The following LHCGR variants were observed in gnomAD, a reference collection of about 807,000 sequenced individuals.
LHCGR encodes luteinizing hormone/choriogonadotropin receptor, also known as lutropin-choriogonadotropic hormone receptor.
LHCGR carries 55 observed loss-of-function variants against 60.7 expected under a neutral mutation model. That is an observed-to-expected ratio of 0.91 (90% CI 0.73 to 1.13). The LOEUF (loss-of-function observed/expected upper bound fraction) is 1.13, where lower values mean the gene tolerates loss of function less well. LHCGR is among the 50% of genes most tolerant of loss of function. LHCGR has a pLI of 0.00. For synonymous variants in LHCGR, 337 were observed against 316.5 expected (o/e 1.06, Z -0.69); for missense variants, 862 against 836.0 (o/e 1.03, Z -0.38).
Position 48,687,617 on chromosome 2 carries a change from T to G in LHCGR, c.*80A>C. ...TAAATAATTTCCTAAATCCAACCCT[T>G]TATGTTAAAATTACTGGTACAGGTA... On this transcript the variant is annotated 3_prime_UTR_variant, in exon 11 of 11. Coordinates refer to ENST00000294954, the MANE Select transcript of LHCGR (RefSeq NM_000233.4). 8.5e-7 allele frequency: 1 copy of G among 1,181,060 alleles called. No homozygotes were observed. 73.2% of individuals were successfully genotyped at this position (1,181,060 alleles called of 1,614,324 possible). A position where few individuals can be genotyped will look rare whatever the true frequency, so the allele number is the denominator to read the frequency against.
At chr2:48,729,326 AC>A (rs2103622054) in intron 2 of LHCGR, 99 bp from the exon 3 acceptor site, 16 of 889,182 alleles carry the variant, frequency 1.8e-5, no homozygotes, top group Non-Finnish European at 2.8e-5. Flanking sequence ...AACTGGGGAC[AC>A]CACTGTGTCC....
chr2:48,746,822 A>C (rs1379002350), intron 1 of LHCGR, among the ~76,000 whole-genome samples: 5 of 152,194 alleles, frequency 3.3e-5, no homozygotes, highest in African/African-American at 4.8e-5. Context: ...ATAATATAAC[A>C]TGACAAGAAT....
intron 8 of LHCGR, among the ~76,000 whole-genome samples, chr2:48,705,139 C>T (rs901878882): frequency 3.3e-5 from 5 of 152,078 alleles, no homozygotes; most frequent in Middle Eastern, 3.2e-3. Context: ...GCCTTCATTT[C>T]GTTATGTACC....
chr2:48,730,059 T>A (rs1317371110), intron 2 of LHCGR, among the ~76,000 whole-genome samples: 1 of 152,182 alleles, frequency 6.6e-6, no homozygotes, highest in Non-Finnish European at 1.5e-5. Context: ...TTCCTGCCAG[T>A]TGAAAAAAAA....
At chr2:48,740,001 A>T (rs986460015) in intron 1 of LHCGR, among the ~76,000 whole-genome samples, 1 of 152,166 alleles carries the variant, frequency 6.6e-6, no homozygotes, top group African/African-American at 2.4e-5. Flanking sequence ...GCGCGAGCTG[A>T]AGCAGGGCGA....
At chr2:48,717,149 G>A (rs1385457672) in intron 6 of LHCGR, among the ~76,000 whole-genome samples, 1 of 152,208 alleles carries the variant, frequency 6.6e-6, no homozygotes, top group African/African-American at 2.4e-5. Context: ...TACACATGGA[G>A]TAGATGAAGA....
chr2:48,726,231 A>G (rs868495779), intron 3 of LHCGR, among the ~76,000 whole-genome samples: 7 of 152,356 alleles, frequency 4.6e-5, no homozygotes, highest in Middle Eastern at 6.8e-3. Context: ...AGTCTGTGGA[A>G]TGGCACAGGG....
At chr2:48,745,732 A>T (rs1362947854) in intron 1 of LHCGR, among the ~76,000 whole-genome samples, 2 of 150,604 alleles carry the variant, frequency 1.3e-5, no homozygotes, top group Admixed American at 1.3e-4. Flanking sequence ...GCGTTGGGAG[A>T]TATACCTAAT....
chr2:48,733,910 T>C (rs936065438), intron 1 of LHCGR, among the ~76,000 whole-genome samples: 23 of 152,210 alleles, frequency 1.5e-4, no homozygotes, highest in African/African-American at 5.3e-4. Flanking sequence ...CCTTTGAAGG[T>C]GTCCCACTCT....
At chr2:48,694,191 G>A (rs1667004873) in intron 10 of LHCGR, 33 bp downstream of exon 10, 6 of 1,220,766 alleles carry the variant, frequency 4.9e-6, no homozygotes, top group Admixed American at 1.8e-5. Flanking sequence ...AACAAGATAC[G>A]ACTTCTGAGT....
chr2:48,729,273 A>G (rs1365942946), intron 2 of LHCGR, 46 bp from the exon 3 acceptor site: 1 of 1,415,282 alleles, frequency 7.1e-7, no homozygotes. Flanking sequence ...CATGAAAGAA[A>G]TGACCGTGTC....
chr2:48,719,926 C>T (rs904334782), intron 6 of LHCGR: 9 of 152,156 alleles, frequency 5.9e-5, no homozygotes, highest in Admixed American at 5.2e-4. Context: ...CCACACGATC[C>T]TTTGCTTACA....
intron 1 of LHCGR, among the ~76,000 whole-genome samples, chr2:48,740,380 C>T (rs1669392197): frequency 6.6e-6 from 1 of 152,264 alleles, no homozygotes; most frequent in Non-Finnish European, 1.5e-5. Flanking sequence ...GGCTCCACCT[C>T]TGGGGGCAGG....
intron 1 of LHCGR, among the ~76,000 whole-genome samples, chr2:48,754,085 T>C (rs1670100426): frequency 1.3e-5 from 2 of 152,128 alleles, no homozygotes; most frequent in Non-Finnish European, 2.9e-5. Flanking sequence ...GGAAGGCCTG[T>C]TGCATGGATT....
intron 8 of LHCGR, among the ~76,000 whole-genome samples, chr2:48,708,555 C>G (rs1667813506): frequency 6.7e-6 from 1 of 148,714 alleles, no homozygotes; most frequent in Non-Finnish European, 1.5e-5. Context: ...CACCCACACA[C>G]ACACACACAC....
chr2:48,749,814 T>G (rs1187517115), intron 1 of LHCGR, among the ~76,000 whole-genome samples: 1 of 152,070 alleles, frequency 6.6e-6, no homozygotes, highest in East Asian at 1.9e-4. Context: ...TGTGTGAACC[T>G]TTTGGCTCTA....
chr2:48,732,398 T>C (rs10495959), intron 1 of LHCGR, among the ~76,000 whole-genome samples: 31,370 of 152,086 alleles, frequency 0.21, 5,331 homozygotes, highest in African/African-American at 0.45. Flanking sequence ...AACACCTCCA[T>C]GATGGGCAGA....
chr2:48,713,449 G>A lies in LHCGR; in HGVS notation c.605+537C>T, dbSNP rs75163474. On this transcript the variant is annotated intron_variant, in intron 7 of 10. Transcript: ENST00000294954. The stretch of plus-strand genomic sequence containing the variant: ...GAACAGTGAGGGAAACAGTAGCGAT[G>A]CTCTTCTTGAGTTAAAGGCTGTTAA... 7.1e-3 allele frequency among the ~76,000 whole-genome samples: 1,081 copies of A among 152,238 alleles called. 9 individuals are homozygous for A. Among genetic ancestry groups the A allele is most frequent in the African/African-American group, 0.025 (1,046 of 41,526 alleles).
At chr2:48,746,238 T>C (rs547272602) in intron 1 of LHCGR, among the ~76,000 whole-genome samples, 4 of 152,206 alleles carry the variant, frequency 2.6e-5, no homozygotes, top group Non-Finnish European at 5.9e-5. Context: ...ACTTAGGAAT[T>C]GATTCTTCTG....
Sources: gnomAD v4.1 joint callset for allele counts (sites outside exome capture counted in the v4.1 genomes callset) on GRCh38, gnomAD v4.1.1 for gene constraint, MANE v1.5 for transcripts, NCBI Gene and HGNC (gene_info 2026-07-23, HGNC 2026-07-21) for gene names.